The following FER variants were observed in gnomAD, a reference collection of about 807,000 sequenced individuals.
FER encodes FER tyrosine kinase.
Under a neutral mutation model 111.0 loss-of-function variants are expected in FER, and 63 were observed. That is an observed-to-expected ratio of 0.57 (90% CI 0.46 to 0.70). FER has a LOEUF of 0.70. FER is among the 30% of genes least tolerant of loss of function. The pLI is 0.00. For missense variants in FER, 914 were observed against 954.0 expected (o/e 0.96, Z 0.55); for synonymous variants, 327 against 313.9 (o/e 1.04, Z -0.44).
chr5:108,895,844 T>C (rs1749009697), intron 9 of FER, among the ~76,000 whole-genome samples: 1 of 152,204 alleles, frequency 6.6e-6, no homozygotes. Flanking sequence ...TTTTGAATTA[T>C]ATTCAGATGT....
chr5:108,772,420 C>T (rs1214244031), intron 2 of FER, among the ~76,000 whole-genome samples: 1 of 137,196 alleles, frequency 7.3e-6, no homozygotes, highest in Non-Finnish European at 1.6e-5. Flanking sequence ...CCTCTTTATT[C>T]TTTTTTATTT....
At chr5:108,842,964 A>C (rs557186704) in intron 5 of FER, 2 of 152,386 alleles carry the variant, frequency 1.3e-5, no homozygotes, top group African/African-American at 4.8e-5. Context: ...TTATAGCAGC[A>C]CAATTCACAA....
chr5:109,185,634 G>T (rs527282819), intron 18 of FER, among the ~76,000 whole-genome samples: 1 of 151,934 alleles, frequency 6.6e-6, no homozygotes, highest in Admixed American at 6.6e-5. Context: ...TTTATTCTTG[G>T]GGGGAGGGAG....
intron 13 of FER, among the ~76,000 whole-genome samples, chr5:109,000,549 C>G (rs1001829613): frequency 6.6e-6 from 1 of 151,768 alleles, no homozygotes; most frequent in Non-Finnish European, 1.5e-5. Context: ...CAAGAGAAAG[C>G]AGGAAAGATC....
chr5:108,984,773 T>TCA (rs1762385315), intron 13 of FER, among the ~76,000 whole-genome samples: 1 of 152,014 alleles, frequency 6.6e-6, no homozygotes, highest in Non-Finnish European at 1.5e-5. Context: ...TTTCTCTCAA[T>TCA]CCGTGGTGGT....
chr5:109,185,860 AGG>A (rs958915294), intron 18 of FER, among the ~76,000 whole-genome samples: 12 of 152,244 alleles, frequency 7.9e-5, no homozygotes, highest in Admixed American at 3.9e-4. Context: ...CCATGATCAT[AGG>A]GTATACTTAC....
intron 2 of FER, among the ~76,000 whole-genome samples, chr5:108,793,018 A>G (rs1755554947): frequency 6.6e-6 from 1 of 152,164 alleles, no homozygotes; most frequent in African/African-American, 2.4e-5. Context: ...TGTGTCACAA[A>G]CAATTCAATT....
At chr5:108,832,725 A>C in intron 3 of FER, 45 bp from the exon 4 acceptor site, 1 of 1,372,010 alleles carries the variant, frequency 7.3e-7, no homozygotes, top group Non-Finnish European at 9.6e-7. Context: ...AGCTAAATGG[A>C]AACCTTTAAT....
In FER at chr5:108,897,794, A is replaced by G. The variant is rs1749368587; in HGVS notation, c.1182A>G (p.Lys394=). ...LEQKVQENDG[K]EPPPVVNYEE... ...AAAAAGTGCAAGAAAATGATGGGAAAGAGCCACCTCCAGTAGTAAATTATG... is the reference window on the plus strand; with the variant it reads ...AAAAAGTGCAAGAAAATGATGGGAAGGAGCCACCTCCAGTAGTAAATTATG... Residue 394 remains lysine (K), a synonymous_variant, in exon 10 of 20, where the codon AAA becomes AAG. Transcript: ENST00000281092. The G allele has an allele frequency of 1.2e-6, 2 of 1,613,490 alleles. No individual in the cohort carries two copies. The highest frequency in any genetic ancestry group is 1.7e-6 in the Non-Finnish European group (2 of 1,179,688).
At chr5:109,018,344 G>T (rs982180015) in intron 13 of FER, among the ~76,000 whole-genome samples, 22 of 151,854 alleles carry the variant, frequency 1.4e-4, no homozygotes, top group African/African-American at 4.6e-4. Flanking sequence ...ATTTGCGACT[G>T]ATAACTGATC....
At chr5:108,840,570 A>G (rs1452593297) in intron 5 of FER, among the ~76,000 whole-genome samples, 2 of 151,516 alleles carry the variant, frequency 1.3e-5, no homozygotes, top group Non-Finnish European at 2.9e-5. Context: ...AAAATTTCTC[A>G]TATGCTGGAT....
intron 13 of FER, among the ~76,000 whole-genome samples, chr5:108,976,557 A>G (rs1231086925): frequency 2.6e-5 from 4 of 152,114 alleles, no homozygotes; most frequent in Non-Finnish European, 5.9e-5. Flanking sequence ...TGCATAGTCA[A>G]AAATCTGCAT....
chr5:109,003,320 C>T (rs1765055551), intron 13 of FER, among the ~76,000 whole-genome samples: 1 of 152,222 alleles, frequency 6.6e-6, no homozygotes, highest in Non-Finnish European at 1.5e-5. Flanking sequence ...CTTTGAGGGA[C>T]ATGGATGAAG....
rs1461958278 is a variant in FER at position 109,037,496 on chromosome 5, C to G, written c.1713+18C>G. On this transcript the variant is annotated intron_variant, in intron 14 of 19. Transcript: ENST00000281092. ...TGGGCAAGGTATGTAATCAACTGAG[C>G]TAAATAACCAGAAGTCTCTATATTG... The G allele has an allele frequency of 1.2e-6, 2 of 1,602,928 alleles. No individual in the cohort carries two copies. Among genetic ancestry groups the G allele is most frequent in the Admixed American group, 1.7e-5 (1 of 59,652 alleles).
chr5:108,921,800 G>A (rs973378832), intron 10 of FER, among the ~76,000 whole-genome samples: 2 of 152,130 alleles, frequency 1.3e-5, no homozygotes, highest in Admixed American at 6.5e-5. Flanking sequence ...TCAAACAGTA[G>A]GAATAGATGT....
At chr5:109,004,942 T>G (rs1243036165) in intron 13 of FER, among the ~76,000 whole-genome samples, 1 of 152,112 alleles carries the variant, frequency 6.6e-6, no homozygotes. Context: ...TTTTGTTTTT[T>G]AATAAAAAGA....
Position 108,976,881 on chromosome 5 carries a change from AT to A in FER, c.1656+17535del, listed in dbSNP as rs750820983. The stretch of plus-strand genomic sequence containing the variant: ...TCAAGCAATTCAACTTTATCTTGTA[AT>A]ATTATGACTTTTCTCTGCTGGGAAC... On this transcript the variant is annotated intron_variant, in intron 13 of 19. Coordinates refer to ENST00000281092, the MANE Select transcript of FER (RefSeq NM_005246.4). Among the ~76,000 whole-genome samples, 50 of 152,186 alleles carry A rather than the reference AT, an allele frequency of 3.3e-4. 1 individual carries two copies. The highest frequency in any genetic ancestry group is 1.6e-4 in the Non-Finnish European group (11 of 68,034).
intron 13 of FER, among the ~76,000 whole-genome samples, chr5:109,022,105 G>C (rs772652343): frequency 2.6e-5 from 4 of 152,082 alleles, no homozygotes; most frequent in African/African-American, 7.2e-5. Flanking sequence ...GGAGTTTAAA[G>C]TACCTAGAAT....
At position 109,051,308 on chromosome 5, in the gene FER, G is replaced by A. The variant is rs560478332; in HGVS notation, c.1924+4110G>A. 17 of 1,545,608 alleles carry A rather than the reference G, an allele frequency of 1.1e-5. No individual in the cohort carries two copies. In the South Asian group the frequency reaches 1.6e-4, roughly 14 times the overall value. On this transcript the variant is annotated intron_variant, in intron 16 of 19. Coordinates refer to ENST00000281092, the MANE Select transcript of FER (RefSeq NM_005246.4). ...GAGGAATCTTGATACTTTCAAGCCT[G>A]TATCTAGATCTCCAGGTCATCAGGC...
Sources: allele counts gnomAD v4.1 joint callset (sites outside exome capture counted in the v4.1 genomes callset), GRCh38; gene constraint gnomAD v4.1.1; transcripts MANE v1.5; gene names NCBI Gene and HGNC (gene_info 2026-07-23, HGNC 2026-07-21).